The following USH2A variants were observed in gnomAD, a reference collection of about 807,000 sequenced individuals.
USH2A encodes the protein Usher syndrome 2A (autosomal recessive, mild).
USH2A carries 443 observed loss-of-function variants against 538.9 expected under a neutral mutation model. The observed-to-expected ratio is 0.82, with a 90% CI of 0.76 to 0.89. The LOEUF is 0.89. Ranked by LOEUF, USH2A falls within the 40% of genes least tolerant of loss-of-function variation. The probability of loss-of-function intolerance (pLI) is 0.00; values close to 1 mark genes in which losing one functional copy is unlikely to be tolerated. For synonymous variants in USH2A, 2,413 were observed against 2,273.5 expected, an observed-to-expected ratio of 1.06 and a Z score of -1.75; for missense variants, 6,633 against 6,324.8, an observed-to-expected ratio of 1.05 and a Z score of -1.65.
chr1:215,882,705 T>C (rs953216460), intron 41 of USH2A, among the ~76,000 whole-genome samples: 8 of 152,260 alleles, frequency 5.3e-5, no homozygotes, highest in African/African-American at 1.9e-4. Flanking sequence ...TTAAAAACTT[T>C]TCACAGAAAA....
At chr1:215,785,171 G>T (rs145177696) in intron 52 of USH2A, among the ~76,000 whole-genome samples, 1 of 152,172 alleles carries the variant, frequency 6.6e-6, no homozygotes, top group Non-Finnish European at 1.5e-5. Context: ...TAATAGAAGA[G>T]CTGGAACAAG....
At chr1:215,804,682 A>G (rs77777820) in intron 49 of USH2A, among the ~76,000 whole-genome samples, 14,572 of 146,628 alleles carry the variant, frequency 0.099, 902 homozygotes, top group African/African-American at 0.17. Flanking sequence ...TCACACTGTT[A>G]GTGGGACTGT....
intron 14 of USH2A, among the ~76,000 whole-genome samples, chr1:216,230,351 G>A (rs565691311): frequency 2.8e-4 from 43 of 152,106 alleles, no homozygotes; most frequent in African/African-American, 7.5e-4. Context: ...TGTACCATGC[G>A]CTTTGTATAC....
intron 61 of USH2A, among the ~76,000 whole-genome samples, chr1:215,716,919 T>C (rs549332002): frequency 6.6e-6 from 1 of 152,312 alleles, no homozygotes; most frequent in Non-Finnish European, 1.5e-5. Flanking sequence ...GATTTACAAT[T>C]CAATTCATAA....
chr1:216,111,126 C>T (rs890154162), intron 21 of USH2A, among the ~76,000 whole-genome samples: 4 of 151,970 alleles, frequency 2.6e-5, no homozygotes, highest in African/African-American at 4.8e-5. Flanking sequence ...CAGGAGGTTG[C>T]GGCAAGGTAA....
At chr1:216,421,309 T>G (rs1337540585) in intron 2 of USH2A, among the ~76,000 whole-genome samples, 1 of 152,082 alleles carries the variant, frequency 6.6e-6, no homozygotes. Flanking sequence ...AGCTATATGT[T>G]TTTAGAGATG....
In USH2A at chr1:216,216,246, G is replaced by T. The variant is rs1417744157; in HGVS notation, c.3157+1141C>A. Among the ~76,000 whole-genome samples, 8 of 152,208 alleles carry T rather than the reference G, an allele frequency of 5.3e-5. No individual in the cohort carries two copies. In the South Asian group the frequency reaches 8.3e-4, roughly 16 times the overall value. The stretch of plus-strand genomic sequence containing the variant: ...TTATGACAGTTCTTTCCCAAAAGAA[G>T]CATAAATACCTACAGTTTTACTTAT... On this transcript the variant is annotated intron_variant, in intron 15 of 71. Transcript: ENST00000307340.
At chr1:215,747,309 G>T (rs564626059) in intron 58 of USH2A, among the ~76,000 whole-genome samples, 116 of 152,160 alleles carry the variant, frequency 7.6e-4, no homozygotes, top group South Asian at 7.0e-3. Flanking sequence ...AACAGGAAAA[G>T]ATATCATAAC....
intron 46 of USH2A, among the ~76,000 whole-genome samples, chr1:215,839,787 A>C (rs1663625325): frequency 6.6e-6 from 1 of 152,192 alleles, no homozygotes; most frequent in South Asian, 2.1e-4. Context: ...CTGTATTTAT[A>C]CTAAAAAGAG....
intron 11 of USH2A, among the ~76,000 whole-genome samples, chr1:216,277,219 G>A (rs1452333932): frequency 6.6e-6 from 1 of 151,974 alleles, no homozygotes; most frequent in Non-Finnish European, 1.5e-5. Context: ...ATGCTTAATT[G>A]CTCTCCCAGC....
intron 52 of USH2A, among the ~76,000 whole-genome samples, chr1:215,783,691 C>T (rs974418165): frequency 2.0e-5 from 3 of 152,204 alleles, no homozygotes; most frequent in South Asian, 4.1e-4. Flanking sequence ...GAAAAACTTA[C>T]TTGAAAGTTT....
chr1:216,208,346 T>C (rs1018217936), intron 15 of USH2A, among the ~76,000 whole-genome samples: 3 of 152,214 alleles, frequency 2.0e-5, no homozygotes, highest in African/African-American at 7.2e-5. Flanking sequence ...TTAAATAAGA[T>C]GTCAAGGGTA....
intron 13 of USH2A, among the ~76,000 whole-genome samples, chr1:216,235,530 A>G (rs1371838406): frequency 6.6e-6 from 1 of 152,200 alleles, no homozygotes; most frequent in Non-Finnish European, 1.5e-5. Flanking sequence ...AGCTAAAACA[A>G]AGAGTCACCC....
chr1:215,693,122 AT>A (rs1391914119), intron 61 of USH2A, among the ~76,000 whole-genome samples: 2 of 123,198 alleles, frequency 1.6e-5, no homozygotes, highest in Non-Finnish European at 3.6e-5. Context: ...ATGTGTATAT[AT>A]ATATATATAT....
At chr1:215,714,265 A>G (rs1659421345) in intron 61 of USH2A, among the ~76,000 whole-genome samples, 1 of 152,240 alleles carries the variant, frequency 6.6e-6, no homozygotes, top group African/African-American at 2.4e-5. Flanking sequence ...GAGAAAAATA[A>G]AGACAGAAGA....
At chr1:216,243,523 T>C (rs758035995) in intron 13 of USH2A, among the ~76,000 whole-genome samples, 1 of 152,180 alleles carries the variant, frequency 6.6e-6, no homozygotes, top group Non-Finnish European at 1.5e-5. Flanking sequence ...CCAGCCTCTT[T>C]TGCAGTGAGG....
At chr1:215,819,828 A>C (rs1195151784) in intron 47 of USH2A, among the ~76,000 whole-genome samples, 2 of 151,828 alleles carry the variant, frequency 1.3e-5, no homozygotes, top group Admixed American at 6.6e-5. Context: ...CAAGTACACG[A>C]AGGAAAATGA....
intron 35 of USH2A, 142 bp from the exon 36 acceptor site, chr1:215,970,918 C>CT: frequency 2.4e-6 from 2 of 845,126 alleles, no homozygotes; most frequent in Non-Finnish European, 3.9e-6. Flanking sequence ...TGTCTAAACT[C>CT]TGTCTCTTAC....
rs1198089062 is a variant in USH2A at position 215,836,557 on chromosome 1, A to T, written c.9371+1434T>A. ...ATATATATATAATATATATATATAT[A>T]TATATATATTTTTTTTTGAGACAGA... is the stretch of plus-strand genomic sequence containing the variant. On this transcript the variant is annotated intron_variant, in intron 47 of 71. Coordinates refer to ENST00000307340, the MANE Select transcript of USH2A (RefSeq NM_206933.4). Among the ~76,000 whole-genome samples, 31 of 19,208 alleles carry T rather than the reference A, an allele frequency of 1.6e-3. 1 individual carries two copies. Among genetic ancestry groups the T allele is most frequent in the African/African-American group, 4.3e-3 (19 of 4,406 alleles). The allele number at this position is 19,208 out of a possible 152,430, so 12.6% of individuals were successfully genotyped here.
Sources: allele counts gnomAD v4.1 joint callset (sites outside exome capture counted in the v4.1 genomes callset), GRCh38; gene constraint gnomAD v4.1.1; transcripts MANE v1.5; gene names NCBI Gene and HGNC (gene_info 2026-07-23, HGNC 2026-07-21).